TMPRSS7: variants seen among roughly 807,000 people sequenced by gnomAD.
TMPRSS7 encodes transmembrane protease serine 7.
Under a neutral mutation model 95.6 loss-of-function variants are expected in TMPRSS7, and 81 were observed. The observed-to-expected ratio is 0.85, with a 90% CI of 0.71 to 1.02. The LOEUF (loss-of-function observed/expected upper bound fraction) is 1.02, where lower values mean the gene tolerates loss of function less well. Ranked by LOEUF, TMPRSS7 falls within the 50% of genes least tolerant of loss-of-function variation. The pLI is 0.00. For missense variants in TMPRSS7, 945 were observed against 955.2 expected, an observed-to-expected ratio of 0.99 and a Z score of 0.14; for synonymous variants, 364 against 337.8, an observed-to-expected ratio of 1.08 and a Z score of -0.85.
intron 16 of TMPRSS7, 52 bp downstream of exon 16, chr3:112,077,196 T>C (rs2073722513): frequency 2.5e-6 from 4 of 1,585,886 alleles, no homozygotes; most frequent in Non-Finnish European, 3.4e-6. Context: ...GATGATAAGG[T>C]GTTTATGTAG....
chr3:112,076,936 G>C, exon 16 of TMPRSS7: 2 of 1,614,228 alleles, frequency 1.2e-6, no homozygotes, highest in Non-Finnish European at 1.7e-6. Flanking sequence ...GGAATGCCAA[G>C]TTTGTCTCCC....
chr3:112,038,425 CT>C, intron 2 of TMPRSS7, 104 bp downstream of exon 2: 2 of 612,960 alleles, frequency 3.3e-6, no homozygotes, highest in South Asian at 2.0e-5. Flanking sequence ...TGGGATTTTC[CT>C]TTTTCCAATA....
At chr3:112,051,812 A>T (rs1382894584) in intron 9 of TMPRSS7, among the ~76,000 whole-genome samples, 1 of 152,164 alleles carries the variant, frequency 6.6e-6, no homozygotes, top group Non-Finnish European at 1.5e-5. Flanking sequence ...ACATGGAGAC[A>T]GGGCAAAGTG....
intron 15 of TMPRSS7, among the ~76,000 whole-genome samples, chr3:112,076,608 C>G (rs1470566357): frequency 6.6e-6 from 1 of 152,116 alleles, no homozygotes; most frequent in Non-Finnish European, 1.5e-5. Context: ...AAGAAAATGT[C>G]CAGGCATTTG....
intron 17 of TMPRSS7, among the ~76,000 whole-genome samples, chr3:112,080,527 CACTACT>C (rs34943450): frequency 5.5e-5 from 8 of 145,934 alleles, no homozygotes; most frequent in Non-Finnish European, 1.2e-4. Context: ...TTTTAGCCCT[CACTACT>C]ACTACTACTA....
At chr3:112,049,773 C>G in intron 7 of TMPRSS7, 71 bp from the exon 8 acceptor site, 1 of 1,289,472 alleles carries the variant, frequency 7.8e-7, no homozygotes, top group Admixed American at 2.3e-5. Flanking sequence ...TGTGTGGAAT[C>G]GTTTTGAATG....
intron 13 of TMPRSS7, among the ~76,000 whole-genome samples, chr3:112,070,774 C>G (rs2073636360): frequency 6.6e-6 from 1 of 151,598 alleles, no homozygotes; most frequent in South Asian, 2.1e-4. Flanking sequence ...GGTCTTGACT[C>G]TTTTATTATT....
exon 7 of TMPRSS7, chr3:112,047,823 T>C (rs1220964580): frequency 2.5e-6 from 4 of 1,614,144 alleles, no homozygotes; most frequent in Non-Finnish European, 3.4e-6. Flanking sequence ...GGGAGGCTGA[T>C]GTGTCACTTC....
At chr3:112,038,015 C>G in intron 1 of TMPRSS7, 57 bp from the exon 2 acceptor site, 2 of 685,718 alleles carry the variant, frequency 2.9e-6, no homozygotes, top group South Asian at 3.1e-5. Flanking sequence ...TGGGTAGTTT[C>G]ATTTAAGATC....
rs1431072217 is a variant in TMPRSS7, at chr3:112,043,048, TG to T, written c.429+999del. The T allele has an allele frequency of 5.3e-5, 24 of 455,938 alleles. 1 individual carries two copies. The highest frequency in any genetic ancestry group is 3.7e-4 in the South Asian group (24 of 64,564). The allele number at this position is 455,938 out of a possible 1,614,324, so 28.2% of individuals were successfully genotyped here. ...CTCAGAGCAGCTTTTACTTATTGAA[TG>T]CCTGCTATATACTGGGTACGTCACT... is the stretch of plus-strand genomic sequence containing the variant. On this transcript the variant is annotated intron_variant, in intron 3 of 17. Coordinates refer to ENST00000452346, the Ensembl canonical transcript of TMPRSS7.
chr3:112,050,527 A>AAAAAAC, intron 8 of TMPRSS7, 144 bp from the exon 9 acceptor site: 4 of 351,662 alleles, frequency 1.1e-5, no homozygotes, highest in Middle Eastern at 7.3e-4. Context: ...CTTCTGAAAA[A>AAAAAAC]AAAAAAAAAA....
chr3:112,059,940 G>A (rs2107750901), intron 10 of TMPRSS7, among the ~76,000 whole-genome samples: 1 of 152,212 alleles, frequency 6.6e-6, no homozygotes, highest in African/African-American at 2.4e-5. Context: ...TACCTATTGG[G>A]GAACCTGCCC....
rs764251263 is a variant in TMPRSS7, at chr3:112,057,103, C to A, written c.1282C>A (p.His428Asn). 3 of 1,612,350 alleles carry A rather than the reference C, an allele frequency of 1.9e-6. No individual in the cohort carries two copies. The South Asian group carries it at 3.3e-5, about 18-fold the overall frequency. The stretch of plus-strand genomic sequence containing the variant: ...CAAGAAGAGTATGAAAGGCTGTGAG[C>A]ATGGATGGTGGGAAATTAATGAGCA... Residue 428 changes from histidine (H) to asparagine (N), a missense_variant, in exon 10 of 18, where the codon CAT (histidine) becomes AAT (asparagine). Coordinates refer to ENST00000452346, the Ensembl canonical transcript of TMPRSS7.
chr3:112,057,200 TC>T, intron 10 of TMPRSS7, 69 bp downstream of exon 10: 1 of 1,171,086 alleles, frequency 8.5e-7, no homozygotes, highest in Non-Finnish European at 1.3e-6. Context: ...GTGTTCCTTG[TC>T]CTCAAAGAGT....
exon 3 of TMPRSS7, chr3:112,041,949 T>C: frequency 6.4e-7 from 1 of 1,551,494 alleles, no homozygotes; most frequent in Non-Finnish European, 8.7e-7. Context: ...TGCTTTTTAC[T>C]TTGCTGGGAT....
intron 10 of TMPRSS7, among the ~76,000 whole-genome samples, chr3:112,058,448 G>C (rs921836183): frequency 6.6e-6 from 1 of 152,174 alleles, no homozygotes; most frequent in Non-Finnish European, 1.5e-5. Flanking sequence ...TTGGTGAAAT[G>C]AGGTAATGAT....
At chr3:112,068,847 T>G (rs1350639064) in intron 13 of TMPRSS7, among the ~76,000 whole-genome samples, 4 of 152,178 alleles carry the variant, frequency 2.6e-5, no homozygotes, top group Admixed American at 2.0e-4. Flanking sequence ...TGGCCAGAAC[T>G]TCCAACACTA....
chr3:112,081,162 C>T lies in TMPRSS7; in HGVS notation c.*78C>T, dbSNP rs1170044419. The T allele has an allele frequency of 2.1e-6, 3 of 1,426,296 alleles. No homozygotes were observed. The East Asian group carries it at 7.2e-5, about 34-fold the overall frequency. The allele number at this position is 1,426,296 out of a possible 1,614,324, so 88.4% of individuals were successfully genotyped here. On this transcript the variant is annotated 3_prime_UTR_variant, in exon 18 of 18. Transcript: ENST00000452346. ...ATGATGCAGTAATTGGCTGGGTGCG[C>T]TGGCTCACACCTGTAATCCCAGCAC... is the stretch of plus-strand genomic sequence containing the variant.
intron 13 of TMPRSS7, among the ~76,000 whole-genome samples, chr3:112,071,849 A>T (rs1311020256): frequency 6.6e-6 from 1 of 152,134 alleles, no homozygotes; most frequent in Non-Finnish European, 1.5e-5. Flanking sequence ...CCATTTGTCT[A>T]ATCTTTTTTC....
Sources: gnomAD v4.1 joint callset for allele counts (sites outside exome capture counted in the v4.1 genomes callset) on GRCh38, gnomAD v4.1.1 for gene constraint, MANE v1.5 for transcripts, NCBI Gene and HGNC (gene_info 2026-07-23, HGNC 2026-07-21) for gene names.